Variants in NKAIN2 observed in about 807,000 individuals in gnomAD.
NKAIN2 encodes sodium/potassium transporting ATPase interacting 2, also known as sodium/potassium-transporting ATPase subunit beta-1-interacting protein 2.
NKAIN2 carries 14 observed loss-of-function variants against 32.6 expected under a neutral mutation model. The observed-to-expected ratio is 0.43, with a 90% CI of 0.28 to 0.67. The LOEUF (loss-of-function observed/expected upper bound fraction) is 0.67, where lower values mean the gene tolerates loss of function less well. Ranked by LOEUF, NKAIN2 falls within the 30% of genes least tolerant of loss-of-function variation. The pLI is 0.17. For synonymous variants in NKAIN2, 80 were observed against 87.2 expected, an observed-to-expected ratio of 0.92 and a Z score of 0.46; for missense variants, 198 against 258.3, an observed-to-expected ratio of 0.77 and a Z score of 1.60.
intron 1 of NKAIN2, among the ~76,000 whole-genome samples, chr6:124,070,380 C>G (rs1442229408): frequency 6.6e-6 from 1 of 152,038 alleles, no homozygotes; most frequent in African/African-American, 2.4e-5. Flanking sequence ...TGCTTTTACT[C>G]CTGCTTTATA....
At chr6:124,141,133 A>G (rs909497155) in intron 1 of NKAIN2, among the ~76,000 whole-genome samples, 1 of 152,134 alleles carries the variant, frequency 6.6e-6, no homozygotes, top group East Asian at 1.9e-4. Flanking sequence ...CTCCCCAACC[A>G]TTTGTCGTTC....
At chr6:124,247,530 A>G (rs900884819) in intron 1 of NKAIN2, among the ~76,000 whole-genome samples, 1 of 152,118 alleles carries the variant, frequency 6.6e-6, no homozygotes, top group African/African-American at 2.4e-5. Flanking sequence ...TCAGAATGTG[A>G]AAACGCTTAG....
intron 1 of NKAIN2, among the ~76,000 whole-genome samples, chr6:123,867,027 C>A (rs1772560998): frequency 6.6e-6 from 1 of 152,162 alleles, no homozygotes; most frequent in Non-Finnish European, 1.5e-5. Context: ...CATTCCTAAA[C>A]AGACCTTCCT....
chr6:123,936,844 A>G (rs1347834993), intron 1 of NKAIN2, among the ~76,000 whole-genome samples: 1 of 152,182 alleles, frequency 6.6e-6, no homozygotes, highest in Non-Finnish European at 1.5e-5. Flanking sequence ...ATGGTGTTCA[A>G]TACTATTATT....
chr6:124,018,153 C>A (rs1329380711), intron 1 of NKAIN2, among the ~76,000 whole-genome samples: 1 of 152,190 alleles, frequency 6.6e-6, no homozygotes, highest in South Asian at 2.1e-4. Flanking sequence ...GGCTTCCAGC[C>A]TCTGAAGCCA....
chr6:124,562,826 A>G (rs1239269594), intron 3 of NKAIN2, among the ~76,000 whole-genome samples: 3 of 152,110 alleles, frequency 2.0e-5, no homozygotes, highest in African/African-American at 4.8e-5. Context: ...ATCATATGCC[A>G]TATAGCTTCG....
chr6:124,359,739 C>G (rs1799178791), intron 3 of NKAIN2, among the ~76,000 whole-genome samples: 3 of 152,132 alleles, frequency 2.0e-5, no homozygotes, highest in Non-Finnish European at 4.4e-5. Context: ...TTGACTTCCT[C>G]TTTTCCTAAT....
chr6:124,322,992 A>C (rs1309276516), intron 2 of NKAIN2, among the ~76,000 whole-genome samples: 1 of 152,216 alleles, frequency 6.6e-6, no homozygotes, highest in Admixed American at 6.5e-5. Context: ...GTGATATCTC[A>C]TTGTAGCCTT....
chr6:123,866,789 T>TA (rs1449876175), intron 1 of NKAIN2, among the ~76,000 whole-genome samples: 2 of 152,194 alleles, frequency 1.3e-5, no homozygotes, highest in African/African-American at 4.8e-5. Context: ...ATCCTCCTGT[T>TA]AAAACCTGTC....
intron 3 of NKAIN2, among the ~76,000 whole-genome samples, chr6:124,578,829 C>A (rs1192753475): frequency 6.6e-6 from 1 of 151,956 alleles, no homozygotes; most frequent in Non-Finnish European, 1.5e-5. Context: ...CTTTTGTCAC[C>A]CCTCCCCCAG....
intron 3 of NKAIN2, among the ~76,000 whole-genome samples, chr6:124,576,672 C>A (rs1402012297): frequency 6.7e-6 from 1 of 149,690 alleles, no homozygotes; most frequent in Non-Finnish European, 1.5e-5. Flanking sequence ...GCCAGATAGA[C>A]CAATAAATTT....
chr6:124,806,344 T>C (rs915633443), intron 5 of NKAIN2, among the ~76,000 whole-genome samples: 4 of 152,016 alleles, frequency 2.6e-5, no homozygotes, highest in African/African-American at 9.7e-5. Context: ...TCAACATACT[T>C]AAAGAAAAGA....
intron 1 of NKAIN2, among the ~76,000 whole-genome samples, chr6:124,132,283 C>G (rs1786519979): frequency 6.6e-6 from 1 of 152,216 alleles, no homozygotes. Context: ...AGTCTGAGCT[C>G]AGACCCACCT....
intron 4 of NKAIN2, among the ~76,000 whole-genome samples, chr6:124,774,537 G>A (rs897519215): frequency 6.6e-6 from 1 of 152,130 alleles, no homozygotes; most frequent in African/African-American, 2.4e-5. Context: ...TGGGAAGTCA[G>A]ACACACAAGT....
chr6:124,528,733 A>T (rs1304608078), intron 3 of NKAIN2, among the ~76,000 whole-genome samples: 1 of 152,228 alleles, frequency 6.6e-6, no homozygotes, highest in Non-Finnish European at 1.5e-5. Flanking sequence ...ATTTTAAAAC[A>T]TATCATTTCA....
intron 1 of NKAIN2, among the ~76,000 whole-genome samples, chr6:124,160,745 A>G (rs556663706): frequency 5.3e-5 from 8 of 152,158 alleles, no homozygotes; most frequent in Non-Finnish European, 1.2e-4. Flanking sequence ...ATGAAGGTGT[A>G]AATATGCATG....
At chr6:123,912,631 C>T (rs981813533) in intron 1 of NKAIN2, among the ~76,000 whole-genome samples, 1 of 152,118 alleles carries the variant, frequency 6.6e-6, no homozygotes, top group Non-Finnish European at 1.5e-5. Context: ...GGCACCTCCT[C>T]CTCTCTCTCT....
chr6:123,981,913 T>C (rs1253373867), intron 1 of NKAIN2, among the ~76,000 whole-genome samples: 1 of 152,130 alleles, frequency 6.6e-6, no homozygotes, highest in Non-Finnish European at 1.5e-5. Context: ...TAGTATTTAA[T>C]GAACTGGCCA....
chr6:124,081,039 T>C (rs1199924825), intron 1 of NKAIN2, among the ~76,000 whole-genome samples: 1 of 152,136 alleles, frequency 6.6e-6, no homozygotes, highest in Non-Finnish European at 1.5e-5. Context: ...AAGGTATAGA[T>C]AACATAAAAA....
Sources: gnomAD v4.1 joint callset for allele counts (sites outside exome capture counted in the v4.1 genomes callset) on GRCh38, gnomAD v4.1.1 for gene constraint, MANE v1.5 for transcripts, NCBI Gene and HGNC (gene_info 2026-07-23, HGNC 2026-07-21) for gene names.